The following AMZ1 variants were observed in gnomAD, a reference collection of about 807,000 sequenced individuals.
The protein encoded by AMZ1 is archaelysin family metallopeptidase 1, also known as archaemetzincin-1.
Under a neutral mutation model 29.9 loss-of-function variants are expected in AMZ1, and 39 were observed. The ratio of observed to expected loss-of-function variants is 1.30; its 90% CI spans 1.01 to 1.70. The LOEUF (loss-of-function observed/expected upper bound fraction) is 1.70, where lower values mean the gene tolerates loss of function less well. Ranked by LOEUF, AMZ1 falls within the 40% of genes most tolerant of loss-of-function variation. AMZ1 has a pLI of 0.00. For synonymous variants in AMZ1, 458 were observed against 304.0 expected (o/e 1.51, Z -5.27); for missense variants, 1,041 against 680.6 (o/e 1.53, Z -5.89).
rs116191782 is a variant in AMZ1, at chr7:2,681,068, G to A, written c.-219+1397G>A. On this transcript the variant is annotated intron_variant, in intron 1 of 6. Coordinates refer to the AMZ1 transcript ENST00000312371. ...CTTCCCTGCCCACGGATGCCCCCTC[G>A]TGGCCAATCCCATCCATCTTAGAAC... is the stretch of plus-strand genomic sequence containing the variant. Among the ~76,000 whole-genome samples, 1,305 of 152,314 alleles carry A rather than the reference G, an allele frequency of 8.6e-3. 27 individuals carry two copies. Among genetic ancestry groups the A allele is most frequent in the African/African-American group, 0.03 (1,237 of 41,562 alleles).
chr7:2,747,414 C>T (rs560560657), intron 4 of AMZ1, among the ~76,000 whole-genome samples: 6 of 152,296 alleles, frequency 3.9e-5, no homozygotes, highest in Admixed American at 1.3e-4. Flanking sequence ...GAACCAAAGA[C>T]AAAAACCACA....
rs1242096040 is a variant in AMZ1 at position 2,719,222 on chromosome 7, G to A, written c.*6344G>A. Among the ~76,000 whole-genome samples the A allele has an allele frequency of 1.3e-5, 2 of 152,144 alleles. No homozygotes were observed. Among genetic ancestry groups the A allele is most frequent in the African/African-American group, 4.8e-5 (2 of 41,426 alleles). On this transcript the variant is annotated 3_prime_UTR_variant, in exon 7 of 7. Transcript: ENST00000683327. ...GCAGGTGGCCCCTGTCGGAAGGGGG[G>A]TGTCTCTTTATTCCTGCCATCCTCC...
upstream of AMZ1, among the ~76,000 whole-genome samples, chr7:2,684,737 G>T (rs536169636): frequency 6.6e-6 from 1 of 152,174 alleles, no homozygotes; most frequent in Non-Finnish European, 1.5e-5. Flanking sequence ...CTGTGTTTCG[G>T]GGGTCCTGGC....
Position 2,702,714 on chromosome 7 carries a change from C to T in AMZ1, c.305-8C>T, listed in dbSNP as rs1198735570. 3.3e-6 allele frequency: 5 copies of T among 1,522,476 alleles called. No individual in the cohort carries two copies. The highest frequency in any genetic ancestry group is 4.4e-6 in the Non-Finnish European group (5 of 1,135,268). The allele number at this position is 1,522,476 out of a possible 1,614,324, so 94.3% of individuals were successfully genotyped here. On this transcript the variant is annotated splice_region_variant and splice_polypyrimidine_tract_variant and intron_variant, in intron 2 of 6. Transcript: ENST00000683327. ...GTCGCAGGGCTGACGGTGCTGCTCTCCCACCAGACCTGAGCGAGGAGCCGG... is the reference window on the plus strand; with the variant it reads ...GTCGCAGGGCTGACGGTGCTGCTCTTCCACCAGACCTGAGCGAGGAGCCGG...
chr7:2,736,584 T>G (rs1303723194), intron 4 of AMZ1, among the ~76,000 whole-genome samples: 1 of 152,142 alleles, frequency 6.6e-6, no homozygotes, highest in Non-Finnish European at 1.5e-5. Context: ...CCTGTGCACC[T>G]GTATTGGGCA....
At chr7:2,681,977 G>A (rs1017771598) in intron 1 of AMZ1, among the ~76,000 whole-genome samples, 1 of 152,146 alleles carries the variant, frequency 6.6e-6, no homozygotes, top group African/African-American at 2.4e-5. Context: ...GAGGGGTCCT[G>A]GGGGAGCGGG....
At chr7:2,738,283 TA>T (rs34320599) in intron 4 of AMZ1, among the ~76,000 whole-genome samples, 38,574 of 142,556 alleles carry the variant, frequency 0.27, 5,111 homozygotes, top group Admixed American at 0.31. Flanking sequence ...AGGCTCCATC[TA>T]AAAAAAAAAA....
At chr7:2,723,704 G>C (rs905623124), downstream of AMZ1, among the ~76,000 whole-genome samples, 15 of 152,238 alleles carry the variant, frequency 9.9e-5, no homozygotes, top group African/African-American at 3.1e-4. Context: ...TGAAGTTGCA[G>C]ACAGCAACGA....
chr7:2,689,445 C>T (rs934887602), intron 1 of AMZ1, among the ~76,000 whole-genome samples: 2 of 152,140 alleles, frequency 1.3e-5, no homozygotes, highest in African/African-American at 2.4e-5. Context: ...GGAGAAGCGT[C>T]TGAGTTTACC....
chr7:2,696,504 G>GAC (rs1787753075), intron 1 of AMZ1, among the ~76,000 whole-genome samples: 3 of 150,266 alleles, frequency 2.0e-5, no homozygotes, highest in Non-Finnish European at 4.4e-5. Flanking sequence ...TGATCTGCCC[G>GAC]CCTGGGCCTC....
intron 4 of AMZ1, among the ~76,000 whole-genome samples, chr7:2,754,735 T>C (rs1245970223): frequency 2.6e-5 from 4 of 152,038 alleles, no homozygotes; most frequent in Admixed American, 6.5e-5. Flanking sequence ...AGCAACAGAG[T>C]GAGACCCTGC....
intron 4 of AMZ1, among the ~76,000 whole-genome samples, chr7:2,746,421 G>A (rs1192414705): frequency 2.6e-5 from 4 of 152,102 alleles, no homozygotes; most frequent in Non-Finnish European, 5.9e-5. Flanking sequence ...AATGACTACT[G>A]GGTACATAAT....
At chr7:2,707,075 C>A (rs1336808130) in intron 3 of AMZ1, among the ~76,000 whole-genome samples, 1 of 152,126 alleles carries the variant, frequency 6.6e-6, no homozygotes, top group Non-Finnish European at 1.5e-5. Context: ...GAGTTTGAGA[C>A]CAGCTTGACT....
chr7:2,756,548 G>A (rs940004203), intron 4 of AMZ1, among the ~76,000 whole-genome samples: 3 of 152,040 alleles, frequency 2.0e-5, no homozygotes, highest in East Asian at 3.9e-4. Context: ...CCGGGAGGTC[G>A]AGGCTGCAGT....
chr7:2,681,925 T>C (rs574351597), intron 1 of AMZ1, among the ~76,000 whole-genome samples: 1 of 682 alleles, frequency 1.5e-3, no homozygotes, highest in East Asian at 0.045. Flanking sequence ...TCCCTCCCAG[T>C]CCCCCAGCCT....
Position 2,700,340 on chromosome 7 carries a change from G to T in AMZ1, c.-112G>T. On this transcript the variant is annotated 5_prime_UTR_variant, in exon 2 of 7. Transcript: ENST00000683327. ...GTCTGTCTGCAGGGAGCCCCCGGTA[G>T]CCACTCGGATCAGCCCGAGGGAAGA... The T allele has an allele frequency of 7.8e-7, 1 of 1,277,204 alleles. No homozygotes were observed. Among genetic ancestry groups the T allele is most frequent in the Non-Finnish European group, 1.1e-6 (1 of 940,920 alleles). 79.1% of individuals were successfully genotyped at this position (1,277,204 alleles called of 1,614,324 possible).
rs373052398 is a variant in AMZ1, at chr7:2,696,473, G to C, written c.-218-3761G>C. Among the ~76,000 whole-genome samples, 13 of 150,142 alleles carry C rather than the reference G, an allele frequency of 8.7e-5. 1 individual carries two copies. Among genetic ancestry groups the C allele is most frequent in the South Asian group, 6.4e-4 (3 of 4,658 alleles). Reference sequence around the variant, plus strand: ...GGGGTTTCACCATGTTAGCCAGGATGGTCTCGATCTCCTGACCTCGTGATC... The same window carrying C: ...GGGGTTTCACCATGTTAGCCAGGATCGTCTCGATCTCCTGACCTCGTGATC... On this transcript the variant is annotated intron_variant, in intron 1 of 6. Transcript: ENST00000683327.
rs1787451047 is a variant in AMZ1, at chr7:2,692,387, A to G, written c.-219+4091A>G. On this transcript the variant is annotated intron_variant, in intron 1 of 6. Transcript: ENST00000683327. ...ACCCCATCTCTACTAAAAATACAAA[A>G]AAAAATTAGCCGGGTGTGGTGGCGG... Among the ~76,000 whole-genome samples, 3 of 151,880 alleles carry G rather than the reference A, an allele frequency of 2.0e-5. No individual in the cohort carries two copies. In the South Asian group the frequency reaches 6.2e-4, roughly 32 times the overall value.
chr7:2,762,627 A>C (rs764847511), upstream of AMZ1: 5 of 1,574,288 alleles, frequency 3.2e-6, no homozygotes, highest in Non-Finnish European at 4.3e-6. Context: ...ATAAGACCCC[A>C]ATGCCATGAA....
Sources: gnomAD v4.1 joint callset for allele counts (sites outside exome capture counted in the v4.1 genomes callset) on GRCh38, gnomAD v4.1.1 for gene constraint, MANE v1.5 for transcripts, NCBI Gene and HGNC (gene_info 2026-07-23, HGNC 2026-07-21) for gene names.